The following GABRG3 variants were observed in gnomAD, a reference collection of about 807,000 sequenced individuals.
The protein encoded by GABRG3 is gamma-aminobutyric acid receptor subunit gamma-3.
In GABRG3, 25 loss-of-function variants were observed where a neutral mutation model predicts 48.8. The ratio of observed to expected loss-of-function variants is 0.51; its 90% confidence interval spans 0.37 to 0.72. GABRG3 has a LOEUF of 0.72. Ranked by LOEUF, GABRG3 falls within the 30% of genes least tolerant of loss-of-function variation. GABRG3 has a pLI of 0.00. For missense variants in GABRG3, 394 were observed against 577.9 expected (o/e 0.68, Z 3.26); for synonymous variants, 227 against 217.6 (o/e 1.04, Z -0.38).
At chr15:27,171,907 T>C (rs1329646255) in intron 3 of GABRG3, among the ~76,000 whole-genome samples, 2 of 152,208 alleles carry the variant, frequency 1.3e-5, no homozygotes, top group Non-Finnish European at 2.9e-5. Flanking sequence ...CTTTTGGTTT[T>C]TGGAGGCTGG....
chr15:27,382,701 G>C (rs992634261), intron 5 of GABRG3, among the ~76,000 whole-genome samples: 4 of 152,182 alleles, frequency 2.6e-5, no homozygotes, highest in African/African-American at 9.7e-5. Flanking sequence ...AAGTGGTGGG[G>C]TGTTTTTGGA....
At chr15:27,249,184 G>A (rs140752192) in intron 3 of GABRG3, among the ~76,000 whole-genome samples, 8 of 152,266 alleles carry the variant, frequency 5.3e-5, no homozygotes, top group African/African-American at 7.2e-5. Flanking sequence ...GCTGCGTCCC[G>A]GCCACCCAGA....
At chr15:27,510,254 C>T (rs962089382) in intron 6 of GABRG3, among the ~76,000 whole-genome samples, 1 of 152,156 alleles carries the variant, frequency 6.6e-6, no homozygotes, top group Non-Finnish European at 1.5e-5. Flanking sequence ...CAGTCTTAGG[C>T]ATGATTTGTA....
intron 6 of GABRG3, among the ~76,000 whole-genome samples, chr15:27,491,382 A>T (rs1890350665): frequency 6.6e-6 from 1 of 152,254 alleles, no homozygotes; most frequent in Non-Finnish European, 1.5e-5. Flanking sequence ...TCAGACAGGC[A>T]GCCCAGTCCA....
intron 3 of GABRG3, among the ~76,000 whole-genome samples, chr15:27,159,729 C>T (rs1262325303): frequency 6.6e-6 from 1 of 152,132 alleles, no homozygotes; most frequent in Non-Finnish European, 1.5e-5. Context: ...AAGATTTGGT[C>T]AGATACACAT....
chr15:27,319,765 T>A lies in GABRG3; in HGVS notation c.271-7044T>A, dbSNP rs1299761947. ...CGGGTTGGTTTGTAAGCAAGCACGATACACGGAGCCTTGAGTATCATGCAA... is the reference window on the plus strand; with the variant it reads ...CGGGTTGGTTTGTAAGCAAGCACGAAACACGGAGCCTTGAGTATCATGCAA... On this transcript the variant is annotated intron_variant, in intron 3 of 9. Coordinates refer to ENST00000615808, the MANE Select transcript of GABRG3 (RefSeq NM_033223.5). The surrounding 1 kb of genome is among the most constrained non-coding windows in gnomAD (Gnocchi z 4.4). 6.6e-6 allele frequency among the ~76,000 whole-genome samples: 1 copy of A among 152,168 alleles called. No individual in the cohort carries two copies. The highest frequency in any genetic ancestry group is 2.4e-5 in the African/African-American group (1 of 41,438).
At chr15:27,426,594 C>T (rs1888300586) in intron 5 of GABRG3, among the ~76,000 whole-genome samples, 1 of 152,114 alleles carries the variant, frequency 6.6e-6, no homozygotes, top group African/African-American at 2.4e-5. Flanking sequence ...AGGTAGATGG[C>T]CTGAGGCTAG....
intron 6 of GABRG3, among the ~76,000 whole-genome samples, chr15:27,493,580 A>G (rs1457158989): frequency 1.3e-5 from 2 of 152,206 alleles, no homozygotes; most frequent in Non-Finnish European, 2.9e-5. Flanking sequence ...CAACAAATAT[A>G]TTATTTTCTG....
At chr15:27,271,925 C>T (rs534395796) in intron 3 of GABRG3, among the ~76,000 whole-genome samples, 35 of 152,272 alleles carry the variant, frequency 2.3e-4, no homozygotes, top group African/African-American at 8.4e-4. Flanking sequence ...ATTCTGGGGC[C>T]CTGGGTGGTT....
chr15:27,419,631 C>T (rs1888049617), intron 5 of GABRG3, among the ~76,000 whole-genome samples: 1 of 152,172 alleles, frequency 6.6e-6, no homozygotes, highest in African/African-American at 2.4e-5. Flanking sequence ...AAATCATGAA[C>T]ACCACATGGG....
intron 3 of GABRG3, among the ~76,000 whole-genome samples, chr15:27,223,131 G>A (rs940896239): frequency 3.9e-5 from 6 of 152,200 alleles, no homozygotes; most frequent in African/African-American, 1.4e-4. Flanking sequence ...TATCTTTATA[G>A]CATTTCATTT....
chr15:27,342,504 T>G (rs923388377), intron 5 of GABRG3, among the ~76,000 whole-genome samples: 1 of 152,118 alleles, frequency 6.6e-6, no homozygotes, highest in South Asian at 2.1e-4. Context: ...AAACATGGAC[T>G]CACATGCCAG....
chr15:27,039,627 A>G (rs1397955479), intron 3 of GABRG3, among the ~76,000 whole-genome samples: 1 of 152,106 alleles, frequency 6.6e-6, no homozygotes, highest in Non-Finnish European at 1.5e-5. Context: ...CCCCAAATCC[A>G]TTTTCCAACT....
intron 5 of GABRG3, among the ~76,000 whole-genome samples, chr15:27,400,149 G>A (rs907949398): frequency 2.6e-5 from 4 of 152,152 alleles, no homozygotes; most frequent in South Asian, 2.1e-4. Flanking sequence ...GCCAGATATC[G>A]AGAGTTTTAA....
intron 3 of GABRG3, among the ~76,000 whole-genome samples, chr15:27,220,373 G>A (rs1889410084): frequency 6.6e-6 from 1 of 152,152 alleles, no homozygotes; most frequent in Non-Finnish European, 1.5e-5. Context: ...ATGGTAGTTA[G>A]GATAAGGAAC....
intron 3 of GABRG3, among the ~76,000 whole-genome samples, chr15:27,162,019 A>G (rs1286706902): frequency 6.6e-6 from 1 of 152,050 alleles, no homozygotes; most frequent in Admixed American, 6.5e-5. Flanking sequence ...CATACACTAT[A>G]ATTTTATTTA....
intron 3 of GABRG3, among the ~76,000 whole-genome samples, chr15:27,065,082 C>G (rs1034801123): frequency 7.2e-5 from 11 of 152,268 alleles, no homozygotes; most frequent in African/African-American, 2.6e-4. Context: ...TTGAGGCACC[C>G]CATTGCTTCC....
intron 6 of GABRG3, among the ~76,000 whole-genome samples, chr15:27,492,291 A>T (rs1036585433): frequency 2.0e-5 from 3 of 152,206 alleles, no homozygotes; most frequent in African/African-American, 7.2e-5. Context: ...ACTGCTCTTT[A>T]TTTCTTCTGT....
At chr15:27,198,523 T>C (rs1418525585) in intron 3 of GABRG3, among the ~76,000 whole-genome samples, 1 of 152,102 alleles carries the variant, frequency 6.6e-6, no homozygotes, top group Non-Finnish European at 1.5e-5. Flanking sequence ...TGTGGAGAAA[T>C]AGGAATGCTT....
Sources: allele counts gnomAD v4.1 joint callset (sites outside exome capture counted in the v4.1 genomes callset), GRCh38; gene constraint gnomAD v4.1.1; non-coding constraint Gnocchi (gnomAD v3.1); transcripts MANE v1.5; gene names NCBI Gene and HGNC (gene_info 2026-07-23, HGNC 2026-07-21).